LRP1B: variants seen among roughly 807,000 people sequenced by gnomAD.
LRP1B encodes LDL receptor related protein 1B, also known as low-density lipoprotein receptor-related protein 1B.
In LRP1B, 217 loss-of-function variants were observed where a neutral mutation model predicts 556.6. That is an observed-to-expected ratio of 0.39 (90% confidence interval 0.35 to 0.44). LRP1B has a LOEUF of 0.44. Among genes scored for constraint, LRP1B ranks in the 20% least tolerant of loss-of-function variants. LRP1B has a pLI of 1.00. For synonymous variants in LRP1B, 2,047 were observed against 1,865.8 expected, an observed-to-expected ratio of 1.10 and a Z score of -2.50; for missense variants, 5,053 against 5,620.8, an observed-to-expected ratio of 0.90 and a Z score of 3.23.
intron 3 of LRP1B, among the ~76,000 whole-genome samples, chr2:141,377,531 G>C (rs576469810): frequency 1.1e-4 from 16 of 152,004 alleles, no homozygotes; most frequent in African/African-American, 3.6e-4. Flanking sequence ...GTTATCCTCA[G>C]ATCTCTCTTA....
chr2:141,856,151 C>T lies in LRP1B; in HGVS notation c.83-45750G>A, dbSNP rs891230461. Among the ~76,000 whole-genome samples the T allele has an allele frequency of 1.7e-4, 26 of 152,118 alleles. 1 individual carries two copies. The highest frequency in any genetic ancestry group is 1.2e-3 in the Admixed American group (19 of 15,266). On this transcript the variant is annotated intron_variant, in intron 1 of 90. Transcript: ENST00000389484. ...AATGTTTTTCATTTTATGCAACCTT[C>T]TTGAATTGCATTTTGTGTGTTTACA...
At chr2:140,521,510 C>A (rs1311265293) in intron 49 of LRP1B, among the ~76,000 whole-genome samples, 4 of 151,918 alleles carry the variant, frequency 2.6e-5, no homozygotes, top group African/African-American at 7.3e-5. Context: ...AGATCACCAC[C>A]AGATCAGTAC....
At chr2:141,852,961 G>A (rs1697916039) in intron 1 of LRP1B, among the ~76,000 whole-genome samples, 2 of 151,220 alleles carry the variant, frequency 1.3e-5, no homozygotes, top group Non-Finnish European at 1.5e-5. Flanking sequence ...ATCATATGGT[G>A]CATCTCAGTT....
rs2104917515 is a variant in LRP1B, at chr2:140,510,028, G to A, written c.8298C>T (p.Phe2766=). ...CGAITCAADM[F]SCQGSRACVP... Reference sequence around the variant, plus strand: ...CGCAGGCACGAGAGCCCTGGCAGCTGAACATGTCAGCAGCACAGGTTATGG... The same window carrying A: ...CGCAGGCACGAGAGCCCTGGCAGCTAAACATGTCAGCAGCACAGGTTATGG... The change falls in exon 52 of 91, where the codon TTC becomes TTT. Residue 2766 remains phenylalanine, a synonymous_variant. Coordinates refer to ENST00000389484, the MANE Select transcript of LRP1B (RefSeq NM_018557.3). 6.2e-7 allele frequency: 1 copy of A among 1,613,860 alleles called. No homozygotes were observed. The highest frequency in any genetic ancestry group is 8.5e-7 in the Non-Finnish European group (1 of 1,180,004).
rs1245007588 is a variant in LRP1B, at chr2:140,851,749, G to A, written c.4614C>T (p.Gly1538=). ...PNPCAANDGK[G]PCSHMCLINH... Reference sequence around the variant, plus strand: ...TGATTAGACACATGTGAGAGCAGGGGCCTTTGCCATCATTAGCTGCACAAG... The same window carrying A: ...TGATTAGACACATGTGAGAGCAGGGACCTTTGCCATCATTAGCTGCACAAG... The change falls in exon 28 of 91, where the codon GGC becomes GGT. Residue 1538 remains glycine (G), a synonymous_variant. Coordinates refer to ENST00000389484, the MANE Select transcript of LRP1B (RefSeq NM_018557.3). The A allele has an allele frequency of 1.9e-6, 3 of 1,606,744 alleles. No individual in the cohort carries two copies. The highest frequency in any genetic ancestry group is 1.7e-6 in the Non-Finnish European group (2 of 1,177,740).
At chr2:140,453,099 T>C (rs773847829) in intron 62 of LRP1B, among the ~76,000 whole-genome samples, 33 of 151,760 alleles carry the variant, frequency 2.2e-4, no homozygotes, top group Admixed American at 5.3e-4. Context: ...AACACATTAG[T>C]ATGAGAACAT....
intron 1 of LRP1B, among the ~76,000 whole-genome samples, chr2:142,029,261 G>A (rs985264035): frequency 5.9e-5 from 9 of 151,838 alleles, no homozygotes; most frequent in Non-Finnish European, 1.0e-4. Flanking sequence ...ACCACAATGA[G>A]ATATCACTGC....
chr2:140,259,956 G>A (rs1681860691), intron 86 of LRP1B, among the ~76,000 whole-genome samples: 1 of 151,726 alleles, frequency 6.6e-6, no homozygotes. Flanking sequence ...GAAAGGAGAT[G>A]ATTTTATGAA....
rs907049844 is a variant in LRP1B, at chr2:140,400,794, T to C, written c.10415-14785A>G. ...ACATTGTGAGGCAGGTAAAAAAAAC[T>C]CTTAAGTACCCAGAGTGTGAGATGG... On this transcript the variant is annotated intron_variant, in intron 66 of 90. Transcript: ENST00000389484. Among the ~76,000 whole-genome samples the C allele has an allele frequency of 2.0e-4, 30 of 152,088 alleles. 1 individual carries two copies. Among genetic ancestry groups the C allele is most frequent in the African/African-American group, 7.0e-4 (29 of 41,484 alleles).
intron 41 of LRP1B, among the ~76,000 whole-genome samples, chr2:140,645,141 T>C (rs1684435551): frequency 6.6e-6 from 1 of 152,184 alleles, no homozygotes; most frequent in African/African-American, 2.4e-5. Flanking sequence ...CTAATTTGGA[T>C]TTTACCATTT....
intron 1 of LRP1B, among the ~76,000 whole-genome samples, chr2:141,937,111 C>T (rs919969570): frequency 1.3e-5 from 2 of 152,018 alleles, no homozygotes; most frequent in Non-Finnish European, 2.9e-5. Flanking sequence ...TAACATGTGC[C>T]AGGCGAGGTG....
intron 2 of LRP1B, among the ~76,000 whole-genome samples, chr2:141,574,489 C>T (rs1044042531): frequency 5.9e-5 from 9 of 152,028 alleles, no homozygotes; most frequent in Admixed American, 2.6e-4. Context: ...GCGTCAGTAT[C>T]ATTCAGTATC....
rs565409975 is a variant in LRP1B at position 142,002,727 on chromosome 2, T to G, written c.82+127921A>C. 1.6e-4 allele frequency among the ~76,000 whole-genome samples: 25 copies of G among 152,192 alleles called. No individual in the cohort carries two copies. The South Asian group carries it at 5.2e-3, about 32-fold the overall frequency. On this transcript the variant is annotated intron_variant, in intron 1 of 90. Transcript: ENST00000389484. ...AATTGTGCGGCTGAAGAGTTCTGCT[T>G]TGCTATATAACTTTCACCAAATCTG...
chr2:141,069,655 G>C (rs1699580538), intron 7 of LRP1B, among the ~76,000 whole-genome samples: 2 of 151,974 alleles, frequency 1.3e-5, no homozygotes, highest in African/African-American at 4.8e-5. Context: ...TACTGCAGCT[G>C]CCAAATCTAA....
At chr2:141,505,105 C>A (rs1683873697) in intron 2 of LRP1B, among the ~76,000 whole-genome samples, 2 of 151,460 alleles carry the variant, frequency 1.3e-5, no homozygotes, top group African/African-American at 2.4e-5. Flanking sequence ...CTCTCTCTAT[C>A]TCTCTCTCTC....
At chr2:140,526,181 A>G (rs1374276251) in intron 48 of LRP1B, 56 bp downstream of exon 48, 1 of 1,522,720 alleles carries the variant, frequency 6.6e-7, no homozygotes, top group African/African-American at 1.4e-5. Flanking sequence ...ACAGTGTTCA[A>G]TGCAATGCCA....
chr2:142,115,830 C>A (rs1474473587), intron 1 of LRP1B, among the ~76,000 whole-genome samples: 634 of 5,118 alleles, frequency 0.12, 290 homozygotes, highest in East Asian at 0.4. Context: ...TAATATATAT[C>A]ATATATATGT....
intron 2 of LRP1B, among the ~76,000 whole-genome samples, chr2:141,735,508 T>TG (rs1008903490): frequency 7.6e-6 from 1 of 131,686 alleles, no homozygotes; most frequent in Non-Finnish European, 1.6e-5. Context: ...AACATGTTTT[T>TG]TTTTTGGGAG....
rs999421237 is a variant in LRP1B, at chr2:141,215,546, G to A, written c.850+13637C>T. Among the ~76,000 whole-genome samples the A allele has an allele frequency of 7.9e-5, 12 of 152,176 alleles. No homozygotes were observed. The South Asian group carries it at 1.7e-3, about 21-fold the overall frequency. ...TGGCTTGAAATTTCTTAGGGACTGG[G>A]TATATGGTTGTGACCAAATGCTGAT... On this transcript the variant is annotated intron_variant, in intron 6 of 90. Coordinates refer to ENST00000389484, the MANE Select transcript of LRP1B (RefSeq NM_018557.3).
Sources: gnomAD v4.1 joint callset for allele counts (sites outside exome capture counted in the v4.1 genomes callset) on GRCh38, gnomAD v4.1.1 for gene constraint, MANE v1.5 for transcripts, NCBI Gene and HGNC (gene_info 2026-07-23, HGNC 2026-07-21) for gene names.